The following BRI3BP variants were observed in gnomAD, a reference collection of about 807,000 sequenced individuals.
BRI3BP encodes the protein BRI3 binding protein, also known as BRI3-binding protein.
BRI3BP carries 7 observed loss-of-function variants against 15.8 expected under a neutral mutation model. The ratio of observed to expected loss-of-function variants is 0.44; its 90% CI spans 0.25 to 0.83. The LOEUF (loss-of-function observed/expected upper bound fraction) is 0.83, where lower values mean the gene tolerates loss of function less well. Ranked by LOEUF, BRI3BP falls within the 40% of genes least tolerant of loss-of-function variation. The probability of loss-of-function intolerance (pLI) is 0.20; values close to 1 mark genes in which losing one functional copy is unlikely to be tolerated. For synonymous variants in BRI3BP, 192 were observed against 163.5 expected, an observed-to-expected ratio of 1.17 and a Z score of -1.33; for missense variants, 320 against 339.3, an observed-to-expected ratio of 0.94 and a Z score of 0.45.
At chr12:125,005,070 ACTC>A (rs1955129934) in intron 1 of BRI3BP, among the ~76,000 whole-genome samples, 1 of 150,976 alleles carries the variant, frequency 6.6e-6, no homozygotes, top group Non-Finnish European at 1.5e-5. Flanking sequence ...CTGGTCTTGA[ACTC>A]CTGAACTCAA....
chr12:125,033,247 C>A (rs1268215969), downstream of BRI3BP, among the ~76,000 whole-genome samples: 1 of 152,108 alleles, frequency 6.6e-6, no homozygotes, highest in Non-Finnish European at 1.5e-5. Flanking sequence ...TAGATTTGGG[C>A]TGGGTGTAGT....
downstream of BRI3BP, among the ~76,000 whole-genome samples, chr12:125,036,160 G>T (rs902834406): frequency 3.3e-5 from 5 of 152,120 alleles, no homozygotes; most frequent in Non-Finnish European, 7.4e-5. Flanking sequence ...CGCCTCCCAG[G>T]TTCAAGCGAT....
At chr12:125,005,033 T>G (rs1955129747) in intron 1 of BRI3BP, among the ~76,000 whole-genome samples, 1 of 151,850 alleles carries the variant, frequency 6.6e-6, no homozygotes, top group Admixed American at 6.6e-5. Flanking sequence ...TTTAGTAGAG[T>G]CAAGAGGTTT....
downstream of BRI3BP, among the ~76,000 whole-genome samples, chr12:125,035,369 A>C (rs1955435123): frequency 6.6e-6 from 1 of 151,240 alleles, no homozygotes; most frequent in South Asian, 2.1e-4. Flanking sequence ...TTCACCCAAA[A>C]CATTCACTTA....
At chr12:125,042,248 C>A in the BRI3BP span, among the ~76,000 whole-genome samples, 2 of 152,094 alleles carry the variant, frequency 1.3e-5, no homozygotes, top group African/African-American at 4.8e-5. Flanking sequence ...TATTTCATCA[C>A]CTGTGTGATA....
chr12:125,038,706 G>C, the BRI3BP span, among the ~76,000 whole-genome samples: 1 of 151,824 alleles, frequency 6.6e-6, no homozygotes, highest in Admixed American at 6.6e-5. Flanking sequence ...CGGAGGTTGC[G>C]GTGAGCCGAG....
intron 1 of BRI3BP, among the ~76,000 whole-genome samples, chr12:125,002,288 T>C (rs1480054722): frequency 6.7e-6 from 1 of 150,214 alleles, no homozygotes; most frequent in Admixed American, 6.7e-5. Flanking sequence ...ACCGTCACCC[T>C]TTTCCAAGGC....
At chr12:125,033,290 GC>G (rs2136004887), downstream of BRI3BP, among the ~76,000 whole-genome samples, 2 of 152,204 alleles carry the variant, frequency 1.3e-5, 1 homozygote, top group Admixed American at 1.3e-4. Flanking sequence ...ACTTTGGGAG[GC>G]TGAGGCAGAA....
intron 2 of BRI3BP, among the ~76,000 whole-genome samples, chr12:125,013,514 C>T (rs1955214616): frequency 6.6e-6 from 1 of 152,242 alleles, no homozygotes; most frequent in African/African-American, 2.4e-5. Context: ...CAACACTTCA[C>T]TTAATTTCCA....
intron 2 of BRI3BP, among the ~76,000 whole-genome samples, chr12:125,015,046 C>T (rs1018897626): frequency 1.3e-5 from 2 of 152,176 alleles, no homozygotes; most frequent in Non-Finnish European, 1.5e-5. Flanking sequence ...AGATTGTAGG[C>T]GTGAGCCACC....
chr12:125,045,163 T>G, the BRI3BP span, among the ~76,000 whole-genome samples: 1 of 152,062 alleles, frequency 6.6e-6, no homozygotes, highest in Non-Finnish European at 1.5e-5. Flanking sequence ...AATTGAAAAT[T>G]AACAGAACTA....
intron 2 of BRI3BP, among the ~76,000 whole-genome samples, chr12:125,014,505 G>A (rs1217678947): frequency 6.6e-6 from 1 of 152,220 alleles, no homozygotes; most frequent in East Asian, 1.9e-4. Context: ...GGGCAGGCCA[G>A]GCCCAAGCTT....
At chr12:125,019,635 C>CTTTTTTTTTTTTTTT (rs1205730966) in intron 2 of BRI3BP, among the ~76,000 whole-genome samples, 2 of 33,054 alleles carry the variant, frequency 6.1e-5, no homozygotes, top group African/African-American at 1.7e-4. Flanking sequence ...TAATTCCACC[C>CTTTTTTTTTTTTTTT]TTTTTTTTTT....
chr12:125,021,006 G>A (rs935593421), intron 2 of BRI3BP, among the ~76,000 whole-genome samples: 28 of 152,200 alleles, frequency 1.8e-4, no homozygotes, highest in Non-Finnish European at 3.7e-4. Context: ...CTCTGGGGAC[G>A]CTTCAATAAT....
At chr12:125,034,748 C>T (rs893319324), downstream of BRI3BP, among the ~76,000 whole-genome samples, 4 of 152,092 alleles carry the variant, frequency 2.6e-5, no homozygotes, top group African/African-American at 4.8e-5. Flanking sequence ...TGCCACCACG[C>T]CCAGCTAATT....
chr12:125,019,375 C>G (rs1342262846), intron 2 of BRI3BP, among the ~76,000 whole-genome samples: 2 of 152,014 alleles, frequency 1.3e-5, no homozygotes, highest in African/African-American at 4.8e-5. Flanking sequence ...CTCTGGGCAT[C>G]TTTCCTGGCT....
intron 1 of BRI3BP, among the ~76,000 whole-genome samples, chr12:125,008,613 C>T (rs1955170058): frequency 1.3e-5 from 2 of 152,190 alleles, no homozygotes; most frequent in East Asian, 1.9e-4. Context: ...GCCTGGCCAC[C>T]CTCCTCTTCT....
downstream of BRI3BP, among the ~76,000 whole-genome samples, chr12:125,032,319 G>A (rs11058004): frequency 0.39 from 59,753 of 151,916 alleles, 12,416 homozygotes; most frequent in African/African-American, 0.5. Flanking sequence ...TTAGCCGGGC[G>A]TGGTGGCAAG....
At position 125,025,825 on chromosome 12, in the gene BRI3BP, G is replaced by T; in HGVS notation, c.*395G>T. 6.3e-6 allele frequency: 1 copy of T among 159,814 alleles called. No individual in the cohort carries two copies. The highest frequency in any genetic ancestry group is 1.4e-5 in the Non-Finnish European group (1 of 73,236). The allele number at this position is 159,814 out of a possible 1,614,324, so 9.9% of individuals were successfully genotyped here. A position where few individuals can be genotyped will look rare whatever the true frequency, so the allele number is the denominator to read the frequency against. ...AGTTTATTAAAACTTTACATGGAGGGGAAGAATATGCTAATTTGACATTTG... is the reference window on the plus strand; with the variant it reads ...AGTTTATTAAAACTTTACATGGAGGTGAAGAATATGCTAATTTGACATTTG... On this transcript the variant is annotated 3_prime_UTR_variant, in exon 3 of 3. Coordinates refer to ENST00000341446, the MANE Select transcript of BRI3BP (RefSeq NM_080626.6).
Sources: gnomAD v4.1 joint callset for allele counts (sites outside exome capture counted in the v4.1 genomes callset) on GRCh38, gnomAD v4.1.1 for gene constraint, MANE v1.5 for transcripts, NCBI Gene and HGNC (gene_info 2026-07-23, HGNC 2026-07-21) for gene names.